The following RERE variants were observed in gnomAD, a reference collection of about 807,000 sequenced individuals.
RERE encodes arginine-glutamic acid dipeptide repeats.
In RERE, 40 loss-of-function variants were observed where a neutral mutation model predicts 146.1. The observed-to-expected ratio is 0.27, with a 90% CI of 0.21 to 0.36. The LOEUF (loss-of-function observed/expected upper bound fraction) is 0.36. Among genes scored for constraint, RERE ranks in the 10% least tolerant of loss-of-function variants. RERE has a pLI of 1.00. For missense variants in RERE, 1,933 were observed against 2,138.7 expected (o/e 0.90, Z 1.90); for synonymous variants, 1,003 against 866.0 (o/e 1.16, Z -2.78).
intron 1 of RERE, among the ~76,000 whole-genome samples, chr1:8,661,241 A>G (rs1298904749): frequency 6.6e-6 from 1 of 152,206 alleles, no homozygotes; most frequent in Non-Finnish European, 1.5e-5. Flanking sequence ...AGAAGCAGGA[A>G]TGAGCCAGGC....
intron 12 of RERE, among the ~76,000 whole-genome samples, chr1:8,418,947 C>G (rs1161691937): frequency 1.3e-5 from 2 of 152,108 alleles, no homozygotes; most frequent in Non-Finnish European, 2.9e-5. Flanking sequence ...ACCGGGCGCT[C>G]TGTGACTTAT....
intron 12 of RERE, among the ~76,000 whole-genome samples, chr1:8,393,420 T>C (rs1642952074): frequency 6.6e-6 from 1 of 152,164 alleles, no homozygotes; most frequent in Admixed American, 6.5e-5. Context: ...GACCGTAGCA[T>C]GACAAAGAGC....
intron 1 of RERE, among the ~76,000 whole-genome samples, chr1:8,706,593 T>A (rs1018866403): frequency 3.3e-5 from 5 of 152,234 alleles, no homozygotes; most frequent in Admixed American, 2.0e-4. Flanking sequence ...GAAAGTACTT[T>A]GTACACTAGT....
At chr1:8,745,812 G>C (rs1248190516) in intron 1 of RERE, among the ~76,000 whole-genome samples, 1 of 152,142 alleles carries the variant, frequency 6.6e-6, no homozygotes, top group African/African-American at 2.4e-5. Flanking sequence ...GCTCACACCG[G>C]TAATACTAGC....
intron 3 of RERE, among the ~76,000 whole-genome samples, chr1:8,619,922 T>G (rs1303519640): frequency 1.3e-5 from 2 of 152,226 alleles, no homozygotes; most frequent in Non-Finnish European, 2.9e-5. Context: ...CTAAGATCAC[T>G]GAGGGAATGA....
At chr1:8,427,485 G>T (rs961670071) in intron 11 of RERE, among the ~76,000 whole-genome samples, 25 of 151,872 alleles carry the variant, frequency 1.6e-4, no homozygotes, top group African/African-American at 5.1e-4. Context: ...AAGTCCACTG[G>T]GAACACTCAA....
At chr1:8,661,166 T>G (rs565357036) in intron 1 of RERE, among the ~76,000 whole-genome samples, 2 of 152,010 alleles carry the variant, frequency 1.3e-5, no homozygotes, top group African/African-American at 4.8e-5. Context: ...GTAGGAGCAT[T>G]AGAGAGAAAG....
chr1:8,501,480 G>A (rs1645154196), intron 8 of RERE, among the ~76,000 whole-genome samples: 1 of 101,840 alleles, frequency 9.8e-6, no homozygotes, highest in Non-Finnish European at 1.9e-5. Flanking sequence ...CCTCTGCCCG[G>A]CCAGCCGCCC....
chr1:8,405,203 A>G (rs928214669), intron 12 of RERE, among the ~76,000 whole-genome samples: 48 of 152,236 alleles, frequency 3.2e-4, no homozygotes, highest in African/African-American at 1.1e-3. Flanking sequence ...AGGAGGATGC[A>G]AGGCACTGGC....
intron 1 of RERE, among the ~76,000 whole-genome samples, chr1:8,695,488 G>A (rs1329861555): frequency 6.7e-6 from 1 of 149,160 alleles, no homozygotes; most frequent in Admixed American, 6.8e-5. Flanking sequence ...GGTAGCTCAT[G>A]CCTATAATCC....
intron 1 of RERE, among the ~76,000 whole-genome samples, chr1:8,679,988 G>A (rs535864606): frequency 5.3e-5 from 8 of 152,240 alleles, no homozygotes; most frequent in Admixed American, 1.3e-4. Flanking sequence ...AACTACACAC[G>A]TTTTTCCATA....
intron 1 of RERE, among the ~76,000 whole-genome samples, chr1:8,752,794 A>T (rs1569715620): frequency 6.6e-6 from 1 of 152,194 alleles, no homozygotes; most frequent in Non-Finnish European, 1.5e-5. Flanking sequence ...CCAAACTTTA[A>T]ACCATTTCAT....
chr1:8,774,347 ATTT>A (rs34859762), intron 1 of RERE, among the ~76,000 whole-genome samples: 5 of 93,172 alleles, frequency 5.4e-5, no homozygotes, highest in Admixed American at 1.4e-4. Flanking sequence ...TTGGCAAACT[ATTT>A]TTTTTTTTTT....
intron 12 of RERE, among the ~76,000 whole-genome samples, chr1:8,379,481 G>A (rs1445612426): frequency 6.6e-6 from 1 of 152,114 alleles, no homozygotes; most frequent in East Asian, 1.9e-4. Context: ...CACACACAAC[G>A]GGAACCACCA....
At chr1:8,595,456 T>C (rs1646544233) in intron 4 of RERE, among the ~76,000 whole-genome samples, 1 of 151,820 alleles carries the variant, frequency 6.6e-6, no homozygotes. Context: ...TAATGTATTT[T>C]ATTATTAATG....
chr1:8,762,058 C>T (rs1191451210), intron 1 of RERE, among the ~76,000 whole-genome samples: 1 of 152,182 alleles, frequency 6.6e-6, no homozygotes, highest in East Asian at 1.9e-4. Context: ...TATCAGAACA[C>T]CTTCAAAAAG....
intron 2 of RERE, among the ~76,000 whole-genome samples, chr1:8,644,799 C>T (rs768005082): frequency 4.6e-5 from 7 of 152,066 alleles, no homozygotes; most frequent in Non-Finnish European, 7.4e-5. Context: ...CCTGACTAGA[C>T]ATACAATTTT....
intron 11 of RERE, among the ~76,000 whole-genome samples, chr1:8,456,334 GTACAC>G (rs200237252): frequency 0.011 from 1,714 of 152,284 alleles, 13 homozygotes; most frequent in Non-Finnish European, 0.018. Context: ...GGTAGAGCAG[GTACAC>G]TTTTCTTTCC....
At chr1:8,769,073 G>A (rs1157359001) in intron 1 of RERE, among the ~76,000 whole-genome samples, 2 of 152,172 alleles carry the variant, frequency 1.3e-5, no homozygotes, top group Admixed American at 1.3e-4. Context: ...GGCTATAAGG[G>A]TAGAGGTGAG....
Sources: allele counts gnomAD v4.1 joint callset (sites outside exome capture counted in the v4.1 genomes callset), GRCh38; gene constraint gnomAD v4.1.1; transcripts MANE v1.5; gene names NCBI Gene and HGNC (gene_info 2026-07-23, HGNC 2026-07-21).